The following SEZ6L variants were observed in gnomAD, a reference collection of about 807,000 sequenced individuals.
The protein encoded by SEZ6L is seizure 6-like protein.
Under a neutral mutation model 106.2 loss-of-function variants are expected in SEZ6L, and 37 were observed. The observed-to-expected ratio is 0.35, with a 90% CI of 0.27 to 0.46. SEZ6L has a LOEUF of 0.46. Among genes scored for constraint, SEZ6L ranks in the 20% least tolerant of loss-of-function variants. The pLI is 1.00. For missense variants in SEZ6L, 1,172 were observed against 1,332.8 expected, an observed-to-expected ratio of 0.88 and a Z score of 1.88; for synonymous variants, 541 against 570.4, an observed-to-expected ratio of 0.95 and a Z score of 0.73.
intron 9 of SEZ6L, among the ~76,000 whole-genome samples, chr22:26,327,684 CCA>C (rs1475318343): frequency 6.6e-6 from 1 of 151,076 alleles, no homozygotes; most frequent in African/African-American, 2.4e-5. Context: ...ACTACACACA[CCA>C]CACACACCCA....
At chr22:26,348,491 G>A (rs552812105) in intron 11 of SEZ6L, among the ~76,000 whole-genome samples, 1 of 127,656 alleles carries the variant, frequency 7.8e-6, no homozygotes, top group Admixed American at 9.0e-5. Context: ...AAACCCTGTT[G>A]AGAGGGGTGG....
At chr22:26,289,255 C>A (rs1339379722) in intron 1 of SEZ6L, among the ~76,000 whole-genome samples, 1 of 152,196 alleles carries the variant, frequency 6.6e-6, no homozygotes, top group Non-Finnish European at 1.5e-5. Flanking sequence ...CCCCTCCCCC[C>A]TGCTCTTTTT....
intron 1 of SEZ6L, among the ~76,000 whole-genome samples, chr22:26,206,706 G>T (rs1331079890): frequency 6.6e-6 from 1 of 152,178 alleles, no homozygotes; most frequent in Non-Finnish European, 1.5e-5. Flanking sequence ...TACCTCTAGC[G>T]TAGATAATCA....
chr22:26,350,847 G>A (rs1352215030), intron 11 of SEZ6L, among the ~76,000 whole-genome samples: 4 of 151,924 alleles, frequency 2.6e-5, no homozygotes, highest in South Asian at 4.2e-4. Flanking sequence ...TAGTAGAGAC[G>A]GGGTTTCACC....
intron 1 of SEZ6L, among the ~76,000 whole-genome samples, chr22:26,220,266 C>T (rs912274870): frequency 1.3e-5 from 2 of 152,190 alleles, no homozygotes; most frequent in African/African-American, 4.8e-5. Context: ...TTGTACCAGG[C>T]AGGGTCCTGG....
chr22:26,333,580 T>C (rs1434960094), intron 9 of SEZ6L, among the ~76,000 whole-genome samples: 4 of 152,168 alleles, frequency 2.6e-5, no homozygotes, highest in Non-Finnish European at 4.4e-5. Context: ...GCCCGAAACC[T>C]GGCCCTATGC....
chr22:26,330,890 A>G (rs5761476), intron 9 of SEZ6L, among the ~76,000 whole-genome samples: 25,210 of 152,294 alleles, frequency 0.17, 2,705 homozygotes, highest in East Asian at 0.37. Context: ...ATGCATAAAC[A>G]TTAGACATTT....
chr22:26,174,043 G>A (rs137965826), intron 1 of SEZ6L, among the ~76,000 whole-genome samples: 3 of 152,276 alleles, frequency 2.0e-5, no homozygotes, highest in Admixed American at 1.3e-4. Flanking sequence ...TTGGGTGCTG[G>A]AGTACTATAA....
chr22:26,262,713 C>A (rs377230141), intron 1 of SEZ6L, among the ~76,000 whole-genome samples: 2 of 152,130 alleles, frequency 1.3e-5, no homozygotes, highest in African/African-American at 2.4e-5. Context: ...ACTAGCCAGA[C>A]GGGAGAAGGA....
intron 1 of SEZ6L, chr22:26,241,399 A>G (rs1221654456): frequency 6.6e-6 from 1 of 152,078 alleles, no homozygotes; most frequent in Admixed American, 6.5e-5. Context: ...CATGCCCTCC[A>G]AGGGATGCAG....
chr22:26,207,258 G>C (rs1941319383), intron 1 of SEZ6L, among the ~76,000 whole-genome samples: 1 of 152,130 alleles, frequency 6.6e-6, no homozygotes, highest in African/African-American at 2.4e-5. Flanking sequence ...ACACCACAAG[G>C]CATGGTAACC....
chr22:26,365,779 T>A (rs1419790527), intron 13 of SEZ6L, among the ~76,000 whole-genome samples: 2 of 150,174 alleles, frequency 1.3e-5, no homozygotes, highest in African/African-American at 4.9e-5. Context: ...GAGGCTGAGA[T>A]GGGAGGATCA....
At chr22:26,275,243 T>C (rs1396395256) in intron 1 of SEZ6L, among the ~76,000 whole-genome samples, 1 of 152,248 alleles carries the variant, frequency 6.6e-6, no homozygotes, top group Non-Finnish European at 1.5e-5. Flanking sequence ...TATTCAGTAC[T>C]TCTAACTTTG....
chr22:26,296,971 G>C lies in SEZ6L; in HGVS notation c.1053G>C (p.Gln351His), dbSNP rs1348512708. Residue 351 changes from glutamine (Q) to histidine (H), a missense_variant, in exon 4 of 17, where the codon CAG becomes CAC. By Grantham distance (24) the Gln-to-His change is conservative (BLOSUM62 0). This residue lies in a region of SEZ6L where 534 missense variants were observed against 691.0 expected (regional missense o/e 0.77). Coordinates refer to ENST00000248933, the MANE Select transcript of SEZ6L (RefSeq NM_021115.5). The stretch of plus-strand genomic sequence containing the variant: ...CTACCCTGACCGTCCTGGCCAACCA[G>C]ACACTCCTGGTGGAGGGGCAGGTAA... The part of the protein sequence containing the change: ...DGPTLTVLAN[Q>H]TLLVEGQVIR... 3.1e-6 allele frequency: 5 copies of C among 1,613,988 alleles called. No individual in the cohort carries two copies. The East Asian group carries it at 8.9e-5, about 29-fold the overall frequency.
At chr22:26,274,847 T>A (rs968235484) in intron 1 of SEZ6L, among the ~76,000 whole-genome samples, 6 of 152,156 alleles carry the variant, frequency 3.9e-5, no homozygotes, top group African/African-American at 1.4e-4. Context: ...TGCCCAGGGT[T>A]TTATCTGGGG....
chr22:26,342,691 T>C (rs561658826), intron 10 of SEZ6L, among the ~76,000 whole-genome samples: 1 of 145,170 alleles, frequency 6.9e-6, no homozygotes, highest in African/African-American at 2.7e-5. Flanking sequence ...CGAGACTCCG[T>C]CTCAAAGAAA....
At chr22:26,269,693 T>C (rs1418970746) in intron 1 of SEZ6L, among the ~76,000 whole-genome samples, 2 of 152,242 alleles carry the variant, frequency 1.3e-5, no homozygotes, top group Non-Finnish European at 1.5e-5. Context: ...TGTCTTGTCA[T>C]GAGGCTAATA....
chr22:26,199,850 C>A (rs1453322877), intron 1 of SEZ6L, among the ~76,000 whole-genome samples: 1 of 152,232 alleles, frequency 6.6e-6, no homozygotes, highest in Non-Finnish European at 1.5e-5. Context: ...GAGCTGACAG[C>A]TCTAGAGCAC....
At chr22:26,275,324 C>A (rs527794551) in intron 1 of SEZ6L, among the ~76,000 whole-genome samples, 8 of 152,276 alleles carry the variant, frequency 5.3e-5, no homozygotes, top group Non-Finnish European at 1.2e-4. Context: ...TTTTGCCTAA[C>A]TGTAGGCCTA....
Sources: gnomAD v4.1 joint callset for allele counts (sites outside exome capture counted in the v4.1 genomes callset) on GRCh38, gnomAD v4.1.1 for gene constraint, gnomAD v4.1.1 regional missense constraint, MANE v1.5 for transcripts, NCBI Gene and HGNC (gene_info 2026-07-23, HGNC 2026-07-21) for gene names.